The following TACC2 variants were observed in gnomAD, a reference collection of about 807,000 sequenced individuals.
TACC2 encodes transforming acidic coiled-coil-containing protein 2.
In TACC2, 137 loss-of-function variants were observed where a neutral mutation model predicts 227.3. The observed-to-expected ratio is 0.60, with a 90% confidence interval of 0.52 to 0.69. TACC2 has a LOEUF of 0.69. Ranked by LOEUF, TACC2 falls within the 30% of genes least tolerant of loss-of-function variation. TACC2 has a pLI of 0.00. For missense variants in TACC2, 3,470 were observed against 3,694.4 expected (o/e 0.94, Z 1.57); for synonymous variants, 1,523 against 1,487.5 (o/e 1.02, Z -0.55).
rs376178888 is a variant in TACC2, at chr10:122,210,744, G to A, written c.6319G>A (p.Ala2107Thr). Reference sequence around the variant, plus strand: ...TTCCTCAGGCAATCCCGAGGCCGTGGCCCTTGCCCCAGATGCATATAGCAC... The same window carrying A: ...TTCCTCAGGCAATCCCGAGGCCGTGACCCTTGCCCCAGATGCATATAGCAC... Reference protein sequence around the residue: ...ASSSGNPEAVALAPDAYSTGS... With the variant: ...ASSSGNPEAVTLAPDAYSTGS... The change falls in exon 9 of 23, where the codon GCC (alanine) becomes ACC (threonine). Residue 2107 changes from alanine (A) to threonine (T), a missense_variant. Coordinates refer to ENST00000369005, the MANE Select transcript of TACC2 (RefSeq NM_206862.4). The surrounding 1 kb of genome is among the most constrained non-coding windows in gnomAD (Gnocchi z 4.6). 20 of 1,613,842 alleles carry A rather than the reference G, an allele frequency of 1.2e-5. No homozygotes were observed. The highest frequency in any genetic ancestry group is 1.5e-5 in the Non-Finnish European group (18 of 1,180,030).
chr10:122,092,251 C>T (rs374290347), intron 5 of TACC2, among the ~76,000 whole-genome samples: 1 of 152,134 alleles, frequency 6.6e-6, no homozygotes, highest in African/African-American at 2.4e-5. Context: ...TTCTTTTTTA[C>T]CCCCTACTGC....
intron 8 of TACC2, among the ~76,000 whole-genome samples, chr10:122,202,574 C>G (rs2094903366): frequency 6.7e-6 from 1 of 149,012 alleles, no homozygotes; most frequent in South Asian, 2.2e-4. Context: ...TAGGTTATTC[C>G]CTGTTTTGGT....
Position 122,032,399 on chromosome 10 carries a change from A to G in TACC2, c.33+10385A>G, listed in dbSNP as rs909119809. Among the ~76,000 whole-genome samples the G allele has an allele frequency of 2.4e-4, 37 of 152,144 alleles. 2 individuals are homozygous for G. Among genetic ancestry groups the G allele is most frequent in the Admixed American group, 1.9e-3 (29 of 15,272 alleles). ...TCAGGAGACTCTTGACTGTGAGTGCACTTGGAGGTCCCTGAATCCTGCTTG... is the reference window on the plus strand; with the variant it reads ...TCAGGAGACTCTTGACTGTGAGTGCGCTTGGAGGTCCCTGAATCCTGCTTG... On this transcript the variant is annotated intron_variant, in intron 2 of 22. Transcript: ENST00000369005.
intron 2 of TACC2, among the ~76,000 whole-genome samples, chr10:122,033,418 C>G (rs917510379): frequency 6.6e-6 from 1 of 152,136 alleles, no homozygotes; most frequent in Non-Finnish European, 1.5e-5. Context: ...CTGAATAAGG[C>G]TTATGTTGCC....
intron 9 of TACC2, chr10:122,213,233 C>A: frequency 1.8e-6 from 2 of 1,133,378 alleles, no homozygotes; most frequent in Non-Finnish European, 2.6e-6. Flanking sequence ...CATTGCCCTA[C>A]AGCGGTGGCC....
chr10:122,162,245 C>T (rs976551726), intron 7 of TACC2, among the ~76,000 whole-genome samples: 3 of 152,196 alleles, frequency 2.0e-5, no homozygotes, highest in African/African-American at 7.2e-5. Context: ...AGTCAGTCCC[C>T]GTGAAGCTCT....
In TACC2 at chr10:122,005,606, G is replaced by T. The variant is rs191822878; in HGVS notation, c.-46+16118G>T. On this transcript the variant is annotated intron_variant, in intron 1 of 22. Transcript: ENST00000369005. ...TCACCATGTTAGCCAGAATGGTCTC[G>T]ATCTCCTGACCTTGTGATCCACCCA... Among the ~76,000 whole-genome samples the T allele has an allele frequency of 5.4e-3, 801 of 147,578 alleles. 9 individuals are homozygous for T. The highest frequency in any genetic ancestry group is 0.019 in the African/African-American group (771 of 39,870).
chr10:122,252,437 G>C (rs1224531960), intron 22 of TACC2, among the ~76,000 whole-genome samples: 3 of 152,060 alleles, frequency 2.0e-5, no homozygotes, highest in Non-Finnish European at 4.4e-5. Flanking sequence ...TAAGATGGAA[G>C]ATCACCGTTA....
chr10:122,176,282 CTT>C (rs1035974262), intron 7 of TACC2, among the ~76,000 whole-genome samples: 5 of 152,102 alleles, frequency 3.3e-5, no homozygotes, highest in African/African-American at 1.2e-4. Context: ...AGGTCTGGCT[CTT>C]TTAATATATG....
chr10:122,127,599 ATT>A (rs113386550), intron 5 of TACC2, among the ~76,000 whole-genome samples: 1 of 150,380 alleles, frequency 6.6e-6, no homozygotes, highest in Non-Finnish European at 1.5e-5. Flanking sequence ...AATCTGACAG[ATT>A]TTTTTTTTCC....
At chr10:122,214,484 A>T (rs1193165827) in intron 9 of TACC2, among the ~76,000 whole-genome samples, 2 of 151,870 alleles carry the variant, frequency 1.3e-5, no homozygotes, top group African/African-American at 4.8e-5. Context: ...GAGAGGGATC[A>T]CCCCCCAAAG....
intron 2 of TACC2, among the ~76,000 whole-genome samples, chr10:122,027,457 G>A (rs767898410): frequency 2.6e-5 from 4 of 151,718 alleles, no homozygotes; most frequent in Admixed American, 6.6e-5. Context: ...TTTAACCTAC[G>A]AATGTCCATC....
chr10:122,047,021 G>A (rs914257556), intron 2 of TACC2, among the ~76,000 whole-genome samples: 1 of 152,072 alleles, frequency 6.6e-6, no homozygotes, highest in African/African-American at 2.4e-5. Context: ...TTGGCCGGGT[G>A]TGGTGGCACC....
At chr10:122,139,669 G>T (rs2090248708) in intron 6 of TACC2, among the ~76,000 whole-genome samples, 1 of 152,134 alleles carries the variant, frequency 6.6e-6, no homozygotes, top group South Asian at 2.1e-4. Context: ...CGGCCTTAAC[G>T]CTTGCCCTAT....
rs2095056923 is a variant in TACC2 at position 122,205,024 on chromosome 10, T to C, written c.5972-5373T>C. 2.0e-5 allele frequency among the ~76,000 whole-genome samples: 3 copies of C among 152,184 alleles called. No individual in the cohort carries two copies. The highest frequency in any genetic ancestry group is 2.1e-4 in the South Asian group (1 of 4,832). ...GTGCTCCCCATCCTCACTATGGCTC[T>C]GTCACTTAGATGCTCACGAGGCGGA... On this transcript the variant is annotated intron_variant, in intron 8 of 22. Transcript: ENST00000369005. The surrounding 1 kb of genome is among the most constrained non-coding windows in gnomAD (Gnocchi z 4.5).
intron 1 of TACC2, among the ~76,000 whole-genome samples, chr10:122,001,545 T>C (rs1419056528): frequency 6.6e-6 from 1 of 152,212 alleles, no homozygotes; most frequent in African/African-American, 2.4e-5. Context: ...AGCCACACCA[T>C]ATCATGTCTC....
rs1395760469 is a variant in TACC2 at position 122,248,626 on chromosome 10, C to T, written c.8393-17C>T. ...CTTTCTGGGCTCCATCATTTGGCTC[C>T]TGGTCTCTCCTGCCAGAGGACGAAC... On this transcript the variant is annotated splice_polypyrimidine_tract_variant and intron_variant, in intron 19 of 22. Transcript: ENST00000369005. The T allele has an allele frequency of 1.2e-6, 2 of 1,612,256 alleles. No individual in the cohort carries two copies. Among genetic ancestry groups the T allele is most frequent in the Non-Finnish European group, 1.7e-6 (2 of 1,179,984 alleles).
Position 122,008,264 on chromosome 10 carries a change from A to ATTATTT in TACC2, c.-45-13671_-45-13670insATTTTT. ...TCCCTTTGTTATTATTATTATTATT[A>ATTATTT]TTTTTTTTTTTTGAGACAGAATTTT... is the stretch of plus-strand genomic sequence containing the variant. On this transcript the variant is annotated intron_variant, in intron 1 of 22. Transcript: ENST00000369005. 3.7e-3 allele frequency among the ~76,000 whole-genome samples: 493 copies of ATTATTT among 134,654 alleles called. 5 individuals carry two copies. The highest frequency in any genetic ancestry group is 0.013 in the African/African-American group (461 of 35,608). The allele number at this position is 134,654 out of a possible 152,430, so 88.3% of individuals were successfully genotyped here.
chr10:122,169,354 G>C (rs1255009379), intron 7 of TACC2, among the ~76,000 whole-genome samples: 1 of 152,134 alleles, frequency 6.6e-6, no homozygotes, highest in African/African-American at 2.4e-5. Flanking sequence ...TGCAAGGTGG[G>C]TGACTTCTAT....
Sources: allele counts gnomAD v4.1 joint callset (sites outside exome capture counted in the v4.1 genomes callset), GRCh38; gene constraint gnomAD v4.1.1; non-coding constraint Gnocchi (gnomAD v3.1); transcripts MANE v1.5; gene names NCBI Gene and HGNC (gene_info 2026-07-23, HGNC 2026-07-21).